SDK1: variants seen among roughly 807,000 people sequenced by gnomAD.
The protein encoded by SDK1 is protein sidekick-1.
Under a neutral mutation model 245.5 loss-of-function variants are expected in SDK1, and 157 were observed. The ratio of observed to expected loss-of-function variants is 0.64; its 90% CI spans 0.56 to 0.73. The LOEUF is 0.73. Ranked by LOEUF, SDK1 falls within the 30% of genes least tolerant of loss-of-function variation. The pLI, the probability that SDK1 is intolerant of heterozygous loss-of-function variation, is 0.00. For missense variants in SDK1, 3,583 were observed against 3,002.3 expected (o/e 1.19, Z -4.52); for synonymous variants, 1,647 against 1,278.5 (o/e 1.29, Z -6.15).
At chr7:3,324,860 T>G (rs79006487) in intron 1 of SDK1, among the ~76,000 whole-genome samples, 2,319 of 152,270 alleles carry the variant, frequency 0.015, 69 homozygotes, top group African/African-American at 0.053. Flanking sequence ...TCTGAAAGTT[T>G]CTTACGTTTG....
chr7:3,564,789 G>C (rs576195505), intron 1 of SDK1, among the ~76,000 whole-genome samples: 1 of 152,176 alleles, frequency 6.6e-6, no homozygotes, highest in East Asian at 1.9e-4. Flanking sequence ...TAGAAAGTTG[G>C]TTCTTTTATG....
intron 4 of SDK1, among the ~76,000 whole-genome samples, chr7:3,720,097 A>T (rs1411681489): frequency 6.6e-6 from 1 of 152,152 alleles, no homozygotes; most frequent in Admixed American, 6.5e-5. Flanking sequence ...ATCTTATCAC[A>T]ATTAAAAACT....
At chr7:3,599,141 T>C (rs1781172842) in intron 1 of SDK1, among the ~76,000 whole-genome samples, 1 of 146,496 alleles carries the variant, frequency 6.8e-6, no homozygotes, top group Non-Finnish European at 1.5e-5. Context: ...TCTGGCGTTC[T>C]CGCTGTTTTT....
chr7:3,743,177 T>C, intron 4 of SDK1, among the ~76,000 whole-genome samples: 1 of 152,154 alleles, frequency 6.6e-6, no homozygotes, highest in Non-Finnish European at 1.5e-5. Flanking sequence ...AGTCTCAATA[T>C]AGAGGTAAGA....
intron 1 of SDK1, among the ~76,000 whole-genome samples, chr7:3,484,528 A>T (rs889491674): frequency 2.0e-5 from 3 of 152,176 alleles, no homozygotes; most frequent in African/African-American, 4.8e-5. Context: ...TGGCAGTTCA[A>T]ACCAGAGTTG....
intron 5 of SDK1, among the ~76,000 whole-genome samples, chr7:3,853,018 G>A (rs185270239): frequency 5.9e-5 from 9 of 152,124 alleles, no homozygotes; most frequent in Admixed American, 2.6e-4. Context: ...ATGATGCTCA[G>A]TGTATATAGT....
chr7:3,499,744 C>T (rs1034714466), intron 1 of SDK1, among the ~76,000 whole-genome samples: 2 of 152,190 alleles, frequency 1.3e-5, no homozygotes, highest in Non-Finnish European at 2.9e-5. Flanking sequence ...CTGTTTTTCC[C>T]TGGAGTTTAC....
chr7:3,898,170 C>T (rs1301967665), intron 5 of SDK1, among the ~76,000 whole-genome samples: 9 of 152,150 alleles, frequency 5.9e-5, no homozygotes, highest in South Asian at 2.1e-4. Context: ...AGTGCAGATA[C>T]GGTGCTTTAA....
At chr7:4,140,572 A>G (rs1450257541) in intron 28 of SDK1, among the ~76,000 whole-genome samples, 1 of 151,990 alleles carries the variant, frequency 6.6e-6, no homozygotes, top group Non-Finnish European at 1.5e-5. Flanking sequence ...ATACTGCAGC[A>G]GGGGGGAGCT....
chr7:4,151,367 G>A (rs925111962), intron 30 of SDK1, among the ~76,000 whole-genome samples: 7 of 152,192 alleles, frequency 4.6e-5, no homozygotes, highest in East Asian at 1.9e-4. Context: ...TGGTCCCTGC[G>A]CACGGGGCTT....
intron 1 of SDK1, among the ~76,000 whole-genome samples, chr7:3,554,662 T>C (rs1340469895): frequency 1.3e-5 from 2 of 151,892 alleles, no homozygotes; most frequent in African/African-American, 2.4e-5. Flanking sequence ...CTGAGGAGAG[T>C]AGGAGAGATA....
chr7:3,607,289 A>T (rs1374128990), intron 1 of SDK1, among the ~76,000 whole-genome samples: 1 of 152,226 alleles, frequency 6.6e-6, no homozygotes, highest in East Asian at 1.9e-4. Context: ...TCCAGGGGGA[A>T]ATCATACATA....
At chr7:4,203,737 G>A (rs745334791) in intron 35 of SDK1, among the ~76,000 whole-genome samples, 4 of 152,208 alleles carry the variant, frequency 2.6e-5, no homozygotes, top group Non-Finnish European at 4.4e-5. Context: ...GAGACCCAGC[G>A]GCTTTCAGGA....
At chr7:3,609,381 G>T (rs1052812530) in intron 1 of SDK1, among the ~76,000 whole-genome samples, 1 of 152,118 alleles carries the variant, frequency 6.6e-6, no homozygotes, top group Admixed American at 6.5e-5. Flanking sequence ...AGCTAGTCAG[G>T]GGAGAGCTGG....
intron 1 of SDK1, among the ~76,000 whole-genome samples, chr7:3,488,602 T>C (rs1781774142): frequency 6.6e-6 from 1 of 152,226 alleles, no homozygotes; most frequent in African/African-American, 2.4e-5. Context: ...TGAAGTCCCT[T>C]ACAATGCTCA....
chr7:3,500,286 T>C (rs1782156260), intron 1 of SDK1, among the ~76,000 whole-genome samples: 1 of 152,196 alleles, frequency 6.6e-6, no homozygotes, highest in Non-Finnish European at 1.5e-5. Flanking sequence ...ATTTTCTCCT[T>C]CTTGGACTAC....
intron 4 of SDK1, among the ~76,000 whole-genome samples, chr7:3,692,810 G>A (rs540654283): frequency 6.6e-5 from 10 of 152,128 alleles, no homozygotes; most frequent in South Asian, 4.2e-4. Flanking sequence ...ATTTATACAT[G>A]CCTTCAAGTG....
chr7:3,395,042 G>A (rs1289204350), intron 1 of SDK1, among the ~76,000 whole-genome samples: 3 of 151,992 alleles, frequency 2.0e-5, no homozygotes, highest in Admixed American at 6.6e-5. Flanking sequence ...CTGAATAGAG[G>A]AGATGAGAGT....
chr7:3,845,102 CA>C (rs1780244279), intron 5 of SDK1, among the ~76,000 whole-genome samples: 1 of 152,104 alleles, frequency 6.6e-6, no homozygotes, highest in African/African-American at 2.4e-5. Context: ...TCGCGAGAGC[CA>C]GGTTGGCGGG....
Sources: allele counts gnomAD v4.1 joint callset (sites outside exome capture counted in the v4.1 genomes callset), GRCh38; gene constraint gnomAD v4.1.1; transcripts MANE v1.5; gene names NCBI Gene and HGNC (gene_info 2026-07-23, HGNC 2026-07-21).